Variants in NRXN1 observed in about 807,000 individuals in gnomAD.
The protein encoded by NRXN1 is neurexin 1.
In NRXN1, 39 loss-of-function variants were observed where a neutral mutation model predicts 150.9. The observed-to-expected ratio is 0.26, with a 90% confidence interval of 0.20 to 0.34. The LOEUF (loss-of-function observed/expected upper bound fraction) is 0.34, where lower values mean the gene tolerates loss of function less well. Among genes scored for constraint, NRXN1 ranks in the 10% least tolerant of loss-of-function variants. The probability of loss-of-function intolerance (pLI) is 1.00; values close to 1 mark genes in which losing one functional copy is unlikely to be tolerated. For synonymous variants in NRXN1, 924 were observed against 757.0 expected (o/e 1.22, Z -3.62); for missense variants, 1,815 against 1,949.9 (o/e 0.93, Z 1.30).
intron 5 of NRXN1, among the ~76,000 whole-genome samples, chr2:50,867,567 C>CT (rs370734650): frequency 3.4e-4 from 51 of 148,792 alleles, no homozygotes; most frequent in Middle Eastern, 3.5e-3. Flanking sequence ...ACTTTAAAAC[C>CT]TTTTTTTTTT....
At chr2:50,932,763 C>T (rs1255744810) in intron 2 of NRXN1, among the ~76,000 whole-genome samples, 1 of 152,040 alleles carries the variant, frequency 6.6e-6, no homozygotes. Context: ...GAAAAACACA[C>T]ACACAAAATA....
intron 22 of NRXN1, among the ~76,000 whole-genome samples, chr2:49,932,845 G>A (rs576843263): frequency 2.6e-5 from 4 of 152,162 alleles, no homozygotes; most frequent in Non-Finnish European, 4.4e-5. Context: ...ACTATGTGGT[G>A]TAGGTATTAT....
intron 22 of NRXN1, among the ~76,000 whole-genome samples, chr2:49,941,646 G>C (rs1671994325): frequency 6.6e-6 from 1 of 152,052 alleles, no homozygotes; most frequent in African/African-American, 2.4e-5. Context: ...GAGGGATTCA[G>C]CAAGTCCTGT....
At chr2:50,455,232 A>G (rs981085072) in intron 17 of NRXN1, among the ~76,000 whole-genome samples, 1 of 152,192 alleles carries the variant, frequency 6.6e-6, no homozygotes, top group Non-Finnish European at 1.5e-5. Context: ...AAAAGGAAAT[A>G]TTGAGATAGT....
intron 17 of NRXN1, among the ~76,000 whole-genome samples, chr2:50,321,979 G>C (rs2076067884): frequency 6.7e-6 from 1 of 149,836 alleles, no homozygotes; most frequent in South Asian, 2.1e-4. Context: ...TATCATTGAT[G>C]CTTAGATTAG....
At chr2:49,995,639 G>A (rs1682814307) in intron 21 of NRXN1, among the ~76,000 whole-genome samples, 2 of 151,654 alleles carry the variant, frequency 1.3e-5, no homozygotes. Flanking sequence ...AAATGAGCCG[G>A]GCGTGGTGGC....
In NRXN1 at chr2:50,829,999, G is replaced by GAAAAAAAAAAAAAAAAAAAAA. The variant is rs572758147; in HGVS notation, c.832+91849_832+91869dup. Among the ~76,000 whole-genome samples the GAAAAAAAAAAAAAAAAAAAAA allele has an allele frequency of 1.7e-4, 10 of 58,180 alleles. 1 individual carries two copies. Among genetic ancestry groups the GAAAAAAAAAAAAAAAAAAAAA allele is most frequent in the African/African-American group, 5.2e-4 (5 of 9,526 alleles). 38.2% of individuals were successfully genotyped at this position (58,180 alleles called of 152,430 possible). On this transcript the variant is annotated intron_variant, in intron 5 of 22. Coordinates refer to ENST00000401669, the MANE Select transcript of NRXN1 (RefSeq NM_001330078.2). ...GGAACCCAAAGAATACTGCCTGCTG[G>GAAAAAAAAAAAAAAAAAAAAA]AAAAAAAAAAAAAAAAAAAAAAAAA...
Position 50,670,939 on chromosome 2 carries a change from T to C in NRXN1, c.833-47324A>G, listed in dbSNP as rs78398101. Among the ~76,000 whole-genome samples, 785 of 152,020 alleles carry C rather than the reference T, an allele frequency of 5.2e-3. 4 individuals are homozygous for C. The highest frequency in any genetic ancestry group is 9.2e-3 in the Non-Finnish European group (626 of 67,842). On this transcript the variant is annotated intron_variant, in intron 5 of 22. Transcript: ENST00000401669. ...GTTGGTGTCCGCTGTGTTACTCCAC[T>C]GTAAAAGTTACTATGTATCACTTTA... is the stretch of plus-strand genomic sequence containing the variant.
chr2:50,652,063 T>C (rs1054227116), intron 5 of NRXN1, among the ~76,000 whole-genome samples: 5 of 152,012 alleles, frequency 3.3e-5, no homozygotes, highest in African/African-American at 9.7e-5. Context: ...GCTTCTTCCC[T>C]GGTAAAACCA....
At chr2:50,308,081 G>A (rs773630029) in intron 17 of NRXN1, among the ~76,000 whole-genome samples, 1 of 152,096 alleles carries the variant, frequency 6.6e-6, no homozygotes, top group African/African-American at 2.4e-5. Flanking sequence ...ACCAGTTACG[G>A]TTACCTTTTT....
At chr2:50,532,472 T>A (rs1573431058) in intron 10 of NRXN1, among the ~76,000 whole-genome samples, 1 of 152,346 alleles carries the variant, frequency 6.6e-6, no homozygotes, top group African/African-American at 2.4e-5. Flanking sequence ...ATACTTCTTT[T>A]GAGCCATTAT....
chr2:50,950,917 G>C (rs1691226449), intron 2 of NRXN1, among the ~76,000 whole-genome samples: 1 of 152,144 alleles, frequency 6.6e-6, no homozygotes, highest in South Asian at 2.1e-4. Flanking sequence ...TCTGTAATCA[G>C]TGGTCAGTGA....
chr2:50,939,560 TC>T (rs1281356369), intron 2 of NRXN1, among the ~76,000 whole-genome samples: 1 of 152,136 alleles, frequency 6.6e-6, no homozygotes, highest in Non-Finnish European at 1.5e-5. Flanking sequence ...AAGCAACTTT[TC>T]TTTTCTCTAA....
At chr2:50,627,719 C>T in intron 5 of NRXN1, among the ~76,000 whole-genome samples, 1 of 151,522 alleles carries the variant, frequency 6.6e-6, no homozygotes, top group Non-Finnish European at 1.5e-5. Flanking sequence ...CAGCAGGAGC[C>T]TTAAAGACAA....
chr2:50,061,364 A>C (rs1342282463), intron 19 of NRXN1, among the ~76,000 whole-genome samples: 1 of 152,212 alleles, frequency 6.6e-6, no homozygotes, highest in Non-Finnish European at 1.5e-5. Context: ...TCTAATATCA[A>C]ATATGCTGGG....
At chr2:49,923,363 T>C (rs1379562590) in intron 22 of NRXN1, among the ~76,000 whole-genome samples, 1 of 152,190 alleles carries the variant, frequency 6.6e-6, no homozygotes, top group Non-Finnish European at 1.5e-5. Flanking sequence ...CTCTATCCTC[T>C]CGCTTGTCTT....
intron 5 of NRXN1, among the ~76,000 whole-genome samples, chr2:50,725,105 C>G (rs2105153905): frequency 6.6e-6 from 1 of 151,274 alleles, no homozygotes; most frequent in South Asian, 2.1e-4. Flanking sequence ...AATACAAAGC[C>G]ACCATGTGTG....
chr2:50,725,113 G>T (rs1309189877), intron 5 of NRXN1, among the ~76,000 whole-genome samples: 1 of 152,132 alleles, frequency 6.6e-6, no homozygotes, highest in East Asian at 1.9e-4. Flanking sequence ...GCCACCATGT[G>T]TGTGAATTAG....
chr2:50,959,653 T>C (rs973527785), intron 2 of NRXN1, among the ~76,000 whole-genome samples: 1 of 151,996 alleles, frequency 6.6e-6, no homozygotes, highest in Admixed American at 6.6e-5. Context: ...ATGAAAATAT[T>C]CTGGAATTAG....
Sources: allele counts gnomAD v4.1 joint callset (sites outside exome capture counted in the v4.1 genomes callset), GRCh38; gene constraint gnomAD v4.1.1; transcripts MANE v1.5; gene names NCBI Gene and HGNC (gene_info 2026-07-23, HGNC 2026-07-21).